CIMIP6: variants seen among roughly 807,000 people sequenced by gnomAD.
CIMIP6 encodes the protein ciliary microtubule inner protein 6, also known as uncharacterized protein C2orf73.
the CIMIP6 span, among the ~76,000 whole-genome samples, chr2:54,375,260 A>G: frequency 6.6e-6 from 1 of 151,748 alleles, no homozygotes; most frequent in Non-Finnish European, 1.5e-5. Context: ...TAATATTCCT[A>G]ATATATAAAG....
chr2:54,346,965 G>A, the CIMIP6 span, among the ~76,000 whole-genome samples: 1 of 152,218 alleles, frequency 6.6e-6, no homozygotes, highest in Non-Finnish European at 1.5e-5. Context: ...TGCTCATAAT[G>A]TGAGGATTTA....
chr2:54,382,950 A>G, the CIMIP6 span: 13 of 152,254 alleles, frequency 8.5e-5, 1 homozygote, highest in Admixed American at 7.8e-4. Flanking sequence ...GCAGTATATG[A>G]CTTCTGAGAC....
At chr2:54,335,811 G>A in the CIMIP6 span, among the ~76,000 whole-genome samples, 3 of 152,166 alleles carry the variant, frequency 2.0e-5, no homozygotes, top group Admixed American at 6.5e-5. Context: ...TGGGCTCTAA[G>A]GGTGGATGGG....
the CIMIP6 span, among the ~76,000 whole-genome samples, chr2:54,363,516 T>A: frequency 6.6e-6 from 1 of 152,236 alleles, no homozygotes; most frequent in Non-Finnish European, 1.5e-5. Flanking sequence ...CTCTTCATAT[T>A]CATTGACTCT....
the CIMIP6 span, among the ~76,000 whole-genome samples, chr2:54,375,678 T>G: frequency 0.24 from 36,954 of 152,100 alleles, 5,011 homozygotes; most frequent in East Asian, 0.49. Flanking sequence ...CTATATTAAG[T>G]GTAAACAATT....
the CIMIP6 span, among the ~76,000 whole-genome samples, chr2:54,338,251 T>C: frequency 1.3e-5 from 2 of 151,906 alleles, no homozygotes; most frequent in Admixed American, 6.6e-5. Flanking sequence ...CTGGGCAACA[T>C]AGTGAGACCG....
At chr2:54,380,807 G>A in the CIMIP6 span, among the ~76,000 whole-genome samples, 3 of 152,192 alleles carry the variant, frequency 2.0e-5, no homozygotes, top group African/African-American at 7.2e-5. Context: ...ATTCTGTACA[G>A]ACACGTGCTA....
chr2:54,342,811 G>A, the CIMIP6 span, among the ~76,000 whole-genome samples: 71 of 152,224 alleles, frequency 4.7e-4, 1 homozygote, highest in African/African-American at 1.7e-3. Flanking sequence ...GATTATACCG[G>A]AAGTTACTTT....
chr2:54,357,549 A>G, the CIMIP6 span, among the ~76,000 whole-genome samples: 1 of 149,336 alleles, frequency 6.7e-6, no homozygotes, highest in Non-Finnish European at 1.5e-5. Context: ...TTTCACAGAT[A>G]TGTTCGTTGT....
chr2:54,356,304 C>T, the CIMIP6 span, among the ~76,000 whole-genome samples: 8 of 152,284 alleles, frequency 5.3e-5, no homozygotes, highest in East Asian at 1.9e-4. Flanking sequence ...GACTTCTGCG[C>T]GCTTCTGCTA....
the CIMIP6 span, among the ~76,000 whole-genome samples, chr2:54,378,383 C>A: frequency 2.3e-4 from 35 of 152,340 alleles, no homozygotes; most frequent in African/African-American, 8.4e-4. Context: ...TAAGCTCAAC[C>A]AACAGGAGTT....
the CIMIP6 span, among the ~76,000 whole-genome samples, chr2:54,332,335 C>A: frequency 6.6e-6 from 1 of 152,178 alleles, no homozygotes; most frequent in Non-Finnish European, 1.5e-5. Context: ...ACTTTTTCAT[C>A]CGCCTTTCCC....
the CIMIP6 span, chr2:54,360,737 G>T: frequency 1.5e-6 from 1 of 651,788 alleles, no homozygotes; most frequent in Non-Finnish European, 2.4e-6. Flanking sequence ...TAATAAGAGT[G>T]GTCTCCAATA....
At chr2:54,375,851 AT>A in the CIMIP6 span, among the ~76,000 whole-genome samples, 2 of 150,802 alleles carry the variant, frequency 1.3e-5, no homozygotes, top group East Asian at 2.0e-4. Flanking sequence ...GTATGTTCCA[AT>A]TTTTTGTTTT....
chr2:54,335,771 A>C, the CIMIP6 span, among the ~76,000 whole-genome samples: 1 of 152,206 alleles, frequency 6.6e-6, no homozygotes, highest in Non-Finnish European at 1.5e-5. Context: ...AATCCGTCTC[A>C]CTGACTGTTG....
chr2:54,332,644 A>G, the CIMIP6 span, among the ~76,000 whole-genome samples: 2 of 152,210 alleles, frequency 1.3e-5, no homozygotes, highest in South Asian at 4.1e-4. Flanking sequence ...TTTCACACTT[A>G]TTTATCAACC....
chr2:54,357,023 G>C, the CIMIP6 span, among the ~76,000 whole-genome samples: 174 of 152,258 alleles, frequency 1.1e-3, 1 homozygote, highest in African/African-American at 4.1e-3. Context: ...ATTATAGATA[G>C]AATTTTCTCA....
chr2:54,367,583 A>C, the CIMIP6 span, among the ~76,000 whole-genome samples: 2 of 152,160 alleles, frequency 1.3e-5, no homozygotes, highest in African/African-American at 4.8e-5. Flanking sequence ...TGAAACCATT[A>C]GTCAGAATTG....
chr2:54,376,024 A>C, the CIMIP6 span, among the ~76,000 whole-genome samples: 8 of 152,122 alleles, frequency 5.3e-5, no homozygotes. Context: ...ACAGTGACAA[A>C]AATTGTTTAA....
Sources: allele counts gnomAD v4.1 joint callset (sites outside exome capture counted in the v4.1 genomes callset), GRCh38; gene constraint gnomAD v4.1.1; transcripts MANE v1.5; gene names NCBI Gene and HGNC (gene_info 2026-07-23, HGNC 2026-07-21).